The following EYS variants were observed in gnomAD, a reference collection of about 807,000 sequenced individuals.
EYS encodes the protein protein eyes shut homolog.
A neutral mutation model predicts 282.1 loss-of-function variants in EYS; 250 were observed. The observed-to-expected ratio is 0.89, with a 90% CI of 0.80 to 0.98. The LOEUF (loss-of-function observed/expected upper bound fraction) is 0.98. EYS is among the 50% of genes least tolerant of loss of function. The pLI is 0.00. For synonymous variants in EYS, 1,355 were observed against 1,282.9 expected (o/e 1.06, Z -1.20); for missense variants, 4,016 against 3,709.0 (o/e 1.08, Z -2.15).
intron 40 of EYS, among the ~76,000 whole-genome samples, chr6:63,765,288 G>A (rs1769758338): frequency 6.6e-6 from 1 of 151,926 alleles, no homozygotes; most frequent in African/African-American, 2.4e-5. Context: ...AGATTAGTAA[G>A]GAGACAATTT....
intron 29 of EYS, among the ~76,000 whole-genome samples, chr6:64,366,420 T>C (rs1038100847): frequency 3.3e-5 from 5 of 152,054 alleles, no homozygotes; most frequent in African/African-American, 1.2e-4. Flanking sequence ...AGATCCTCAC[T>C]AGACCAACCA....
intron 30 of EYS, among the ~76,000 whole-genome samples, chr6:64,295,455 A>G (rs112296486): frequency 0.092 from 950 of 10,300 alleles, 3 homozygotes; most frequent in Non-Finnish European, 0.11. Context: ...GAAGAAGAAG[A>G]AGAAGAAGAA....
At chr6:64,297,619 C>A (rs1769079014) in intron 30 of EYS, among the ~76,000 whole-genome samples, 1 of 151,968 alleles carries the variant, frequency 6.6e-6, no homozygotes, top group Non-Finnish European at 1.5e-5. Flanking sequence ...TTAAAATATT[C>A]AAAACACTGA....
intron 22 of EYS, among the ~76,000 whole-genome samples, chr6:64,772,059 CCTT>C (rs1241698728): frequency 9.2e-5 from 14 of 151,668 alleles, no homozygotes; most frequent in Non-Finnish European, 1.8e-4. Context: ...CACATGGAAT[CCTT>C]CTTTCTTTTT....
At chr6:64,789,701 C>T (rs1774127761) in intron 22 of EYS, among the ~76,000 whole-genome samples, 1 of 152,026 alleles carries the variant, frequency 6.6e-6, no homozygotes, top group Non-Finnish European at 1.5e-5. Context: ...GTGCTCTAAC[C>T]TCAAGACTGT....
chr6:64,974,064 T>C (rs112666382), intron 14 of EYS, among the ~76,000 whole-genome samples: 295 of 152,052 alleles, frequency 1.9e-3, no homozygotes, highest in African/African-American at 6.4e-3. Context: ...ATTACATTTA[T>C]GAGCTTCTAA....
chr6:64,149,748 C>G (rs1774638706), intron 31 of EYS, among the ~76,000 whole-genome samples: 1 of 152,176 alleles, frequency 6.6e-6, no homozygotes, highest in South Asian at 2.1e-4. Context: ...TCAGATCTTT[C>G]TGACTTTAAA....
chr6:63,912,992 A>AT (rs1764308994), intron 35 of EYS, among the ~76,000 whole-genome samples: 4 of 152,170 alleles, frequency 2.6e-5, no homozygotes, highest in African/African-American at 9.7e-5. Context: ...GTTAGCAGAT[A>AT]CTGTGTTAGA....
At chr6:63,892,024 GATGTGA>G (rs1773421496) in intron 35 of EYS, among the ~76,000 whole-genome samples, 1 of 152,150 alleles carries the variant, frequency 6.6e-6, no homozygotes, top group Non-Finnish European at 1.5e-5. Context: ...ACTTACAAGG[GATGTGA>G]AGGACTTCTT....
intron 19 of EYS, among the ~76,000 whole-genome samples, chr6:64,884,212 A>C (rs1235359868): frequency 6.6e-6 from 1 of 151,454 alleles, no homozygotes; most frequent in Admixed American, 6.6e-5. Flanking sequence ...GCAAAGCTAA[A>C]TTTTTCTGAA....
intron 30 of EYS, among the ~76,000 whole-genome samples, chr6:64,293,994 T>A (rs1028483): frequency 0.064 from 9,684 of 151,980 alleles, 413 homozygotes; most frequent in Non-Finnish European, 0.091. Flanking sequence ...TAATAAAATT[T>A]TTGTGCCTGA....
At chr6:65,479,987 C>T (rs1392771117) in intron 5 of EYS, among the ~76,000 whole-genome samples, 1 of 135,882 alleles carries the variant, frequency 7.4e-6, no homozygotes, top group African/African-American at 2.7e-5. Context: ...AATCCTGTCT[C>T]TACTAAAAAT....
At chr6:64,489,431 C>T (rs926686424) in intron 26 of EYS, among the ~76,000 whole-genome samples, 1 of 148,144 alleles carries the variant, frequency 6.8e-6, no homozygotes, top group Admixed American at 6.8e-5. Flanking sequence ...AATATTTTCA[C>T]GATGTAAATA....
Position 65,490,593 on chromosome 6 carries a change from C to T in EYS, c.862+1G>A. 6.4e-7 allele frequency: 1 copy of T among 1,567,788 alleles called. No homozygotes were observed. The highest frequency in any genetic ancestry group is 8.8e-7 in the Non-Finnish European group (1 of 1,138,546). Reference sequence around the variant, plus strand: ...TGGTTGTATACATATGCATTTTTTACCTGAAAATTGCTCATCACATTCACA... The same window carrying T: ...TGGTTGTATACATATGCATTTTTTATCTGAAAATTGCTCATCACATTCACA... On this transcript the variant is annotated splice_donor_variant, in intron 5 of 42. Transcript: ENST00000503581. LOFTEE classifies it high-confidence loss of function.
intron 31 of EYS, among the ~76,000 whole-genome samples, chr6:64,158,793 C>T (rs1382128325): frequency 6.8e-6 from 1 of 147,896 alleles, no homozygotes; most frequent in Non-Finnish European, 1.5e-5. Flanking sequence ...TCGCTAACCA[C>T]AAACAAAAAT....
intron 26 of EYS, among the ~76,000 whole-genome samples, chr6:64,568,147 T>A (rs887302200): frequency 6.6e-6 from 1 of 152,168 alleles, no homozygotes; most frequent in African/African-American, 2.4e-5. Flanking sequence ...AGTCTTCAAC[T>A]GAACACTGAT....
At chr6:65,209,077 T>G (rs775992720) in intron 12 of EYS, among the ~76,000 whole-genome samples, 4 of 151,922 alleles carry the variant, frequency 2.6e-5, no homozygotes, top group African/African-American at 4.8e-5. Context: ...CCTTACTGAA[T>G]GGCATCAGGG....
chr6:64,309,289 ACT>A (rs1395920426), intron 29 of EYS, among the ~76,000 whole-genome samples: 3 of 152,108 alleles, frequency 2.0e-5, no homozygotes, highest in African/African-American at 2.4e-5. Flanking sequence ...AAAGGAAATG[ACT>A]CTATGATTAC....
chr6:65,613,309 T>A (rs1766067052), intron 2 of EYS, among the ~76,000 whole-genome samples: 1 of 151,822 alleles, frequency 6.6e-6, no homozygotes, highest in Non-Finnish European at 1.5e-5. Context: ...CGGTGGTGAC[T>A]TCTCCATGGA....
Sources: gnomAD v4.1 joint callset for allele counts (sites outside exome capture counted in the v4.1 genomes callset) on GRCh38, gnomAD v4.1.1 for gene constraint, MANE v1.5 for transcripts, NCBI Gene and HGNC (gene_info 2026-07-23, HGNC 2026-07-21) for gene names.